The following CCDC181 variants were observed in gnomAD, a reference collection of about 807,000 sequenced individuals.
CCDC181 encodes coiled-coil domain-containing protein 181.
Under a neutral mutation model 58.7 loss-of-function variants are expected in CCDC181, and 35 were observed. The ratio of observed to expected loss-of-function variants is 0.60; its 90% confidence interval spans 0.46 to 0.79. The LOEUF (loss-of-function observed/expected upper bound fraction) is 0.79. Among genes scored for constraint, CCDC181 ranks in the 30% least tolerant of loss-of-function variants. The probability of loss-of-function intolerance (pLI) is 0.00; values close to 1 mark genes in which losing one functional copy is unlikely to be tolerated. For missense variants in CCDC181, 517 were observed against 583.9 expected (o/e 0.89, Z 1.18); for synonymous variants, 183 against 197.5 (o/e 0.93, Z 0.62).
chr1:169,409,472 T>G (rs1232648016), intron 4 of CCDC181, among the ~76,000 whole-genome samples: 1 of 152,166 alleles, frequency 6.6e-6, no homozygotes, highest in African/African-American at 2.4e-5. Context: ...CTCTTCAGGA[T>G]ATTACCCAGG....
chr1:169,458,181 T>TG (rs1371353902), intron 2 of CCDC181, among the ~76,000 whole-genome samples: 4 of 141,138 alleles, frequency 2.8e-5, no homozygotes, highest in Middle Eastern at 3.3e-3. Context: ...TTTTGTTTTT[T>TG]TTTTTTTGTT....
In CCDC181 at chr1:169,395,879, T is replaced by G. The variant is rs1424208473; in HGVS notation, c.1371-673A>C. The stretch of plus-strand genomic sequence containing the variant: ...CACATACATACACCTGGTTTTGTTG[T>G]TTTTTTTTTTTCAGAATAAACAACT... On this transcript the variant is annotated intron_variant, in intron 5 of 5. Transcript: ENST00000367806. 5 of 50,988 alleles carry G rather than the reference T, an allele frequency of 9.8e-5. No homozygotes were observed. Among genetic ancestry groups the G allele is most frequent in the Non-Finnish European group, 1.2e-4 (2 of 16,578 alleles). The allele number at this position is 50,988 out of a possible 1,614,324, so 3.2% of individuals were successfully genotyped here.
chr1:169,443,219 G>GTTTTTAGAAGGAAAA (rs1657283601), intron 2 of CCDC181: 1 of 151,590 alleles, frequency 6.6e-6, no homozygotes, highest in South Asian at 2.1e-4. Flanking sequence ...TAAAACAAGT[G>GTTTTTAGAAGGAAAA]CTCTAAGGAA....
At position 169,451,636 on chromosome 1, in the gene CCDC181, C is replaced by G. The variant is rs115310019; in HGVS notation, c.-24+8161G>C. 9.2e-3 allele frequency among the ~76,000 whole-genome samples: 1,396 copies of G among 152,020 alleles called. 18 individuals are homozygous for G. Among genetic ancestry groups the G allele is most frequent in the African/African-American group, 0.032 (1,307 of 41,462 alleles). ...ACAAATAGTTCTGTTTCAGACTCTA[C>G]CCCTTTCCCTGGTTCCAGGCTAAAC... On this transcript the variant is annotated intron_variant, in intron 2 of 6. Transcript: ENST00000545005.
intron 4 of CCDC181, among the ~76,000 whole-genome samples, chr1:169,404,178 C>A (rs1321488719): frequency 2.0e-5 from 3 of 152,092 alleles, no homozygotes; most frequent in Admixed American, 1.3e-4. Flanking sequence ...TAATAGCCTA[C>A]CAACCAAAAA....
upstream of CCDC181, chr1:169,427,586 A>G (rs866800217): frequency 2.0e-5 from 3 of 152,234 alleles, no homozygotes; most frequent in South Asian, 2.1e-4. Flanking sequence ...GGGGACGACT[A>G]AGGAATCCAC....
At position 169,421,391 on chromosome 1, in the gene CCDC181, T is replaced by C. The variant is rs2102090240; in HGVS notation, c.1040A>G (p.Glu347Gly). 1 of 1,611,052 alleles carries C rather than the reference T, an allele frequency of 6.2e-7. No individual in the cohort carries two copies. Among genetic ancestry groups the C allele is most frequent in the East Asian group, 2.2e-5 (1 of 44,878 alleles). ...TCTTTTCAGTTTTTCTCTCTTTTCT[T>C]CTAGTTGTTTTTGTAGTTCTTTCTG... Reference protein sequence around the residue: ...PRQKELQKQLEEKREKLKREE... With the variant: ...PRQKELQKQLGEKREKLKREE... The change falls in exon 3 of 6, where the codon GAA (glutamate) becomes GGA (glycine). Residue 347 changes from glutamate to glycine, a missense_variant. Transcript: ENST00000367806.
intron 4 of CCDC181, among the ~76,000 whole-genome samples, chr1:169,403,028 C>G (rs201474300): frequency 5.9e-5 from 1 of 16,808 alleles, no homozygotes; most frequent in Non-Finnish European, 1.3e-4. Context: ...TCTGAAAAAA[C>G]CAGACTTTAA....
intron 4 of CCDC181, among the ~76,000 whole-genome samples, chr1:169,415,881 C>T (rs1279650945): frequency 6.6e-6 from 1 of 152,206 alleles, no homozygotes; most frequent in Non-Finnish European, 1.5e-5. Flanking sequence ...ACACAAACTA[C>T]TCCACCTCTG....
intron 1 of CCDC181, chr1:169,460,010 A>G (rs1657801704): frequency 6.6e-6 from 1 of 151,724 alleles, no homozygotes; most frequent in Non-Finnish European, 1.5e-5. Context: ...ATATTTAAAT[A>G]TTAAATAGTT....
intron 4 of CCDC181, among the ~76,000 whole-genome samples, chr1:169,408,877 C>T (rs1451774794): frequency 3.3e-5 from 5 of 152,154 alleles, no homozygotes; most frequent in Non-Finnish European, 7.4e-5. Flanking sequence ...AAAACCCCAT[C>T]CAAAGGTCAC....
rs1280559142 is a variant in CCDC181 at position 169,422,332 on chromosome 1, T to G, written c.118-19A>C. ...AAGCCATCTAAAAACAAGATATTTT[T>G]CAGTCAAAATTGAGATTCTTCATTT... On this transcript the variant is annotated intron_variant, in intron 2 of 5. Transcript: ENST00000367806. 2 of 1,489,846 alleles carry G rather than the reference T, an allele frequency of 1.3e-6. No homozygotes were observed. Among genetic ancestry groups the G allele is most frequent in the Admixed American group, 4.2e-5 (2 of 47,506 alleles). 92.3% of individuals were successfully genotyped at this position (1,489,846 alleles called of 1,614,324 possible). A position where few individuals can be genotyped will look rare whatever the true frequency, so the allele number is the denominator to read the frequency against.
chr1:169,412,704 C>T (rs951468957), intron 4 of CCDC181, among the ~76,000 whole-genome samples: 2 of 152,114 alleles, frequency 1.3e-5, no homozygotes, highest in African/African-American at 2.4e-5. Flanking sequence ...GAACAGAGGA[C>T]TCAGAAATAA....
intron 2 of CCDC181, among the ~76,000 whole-genome samples, chr1:169,445,240 GT>G (rs1657341466): frequency 6.6e-6 from 1 of 152,074 alleles, no homozygotes; most frequent in Non-Finnish European, 1.5e-5. Context: ...AAAATGCCCA[GT>G]TTCTCATCAT....
chr1:169,401,439 C>G (rs1655341941), intron 4 of CCDC181, among the ~76,000 whole-genome samples: 1 of 152,198 alleles, frequency 6.6e-6, no homozygotes, highest in African/African-American at 2.4e-5. Flanking sequence ...GGGTGCCCCT[C>G]TGAGACGAAG....
At chr1:169,430,896 A>C (rs1244047386), upstream of CCDC181, among the ~76,000 whole-genome samples, 1 of 152,084 alleles carries the variant, frequency 6.6e-6, no homozygotes, top group African/African-American at 2.4e-5. Flanking sequence ...AATCAGTCTG[A>C]TTGGTTGTGG....
chr1:169,400,864 G>A (rs1190522838), intron 4 of CCDC181, among the ~76,000 whole-genome samples: 1 of 152,172 alleles, frequency 6.6e-6, no homozygotes, highest in Non-Finnish European at 1.5e-5. Context: ...GCCTCACCCA[G>A]GAAGCACAAG....
chr1:169,449,106 A>G (rs1485709237), intron 2 of CCDC181, among the ~76,000 whole-genome samples: 52 of 152,152 alleles, frequency 3.4e-4, no homozygotes. Flanking sequence ...ATTAACCATA[A>G]CTTCCTGGTT....
chr1:169,423,596 T>C (rs1420022130), intron 2 of CCDC181, among the ~76,000 whole-genome samples: 1 of 152,056 alleles, frequency 6.6e-6, no homozygotes, highest in African/African-American at 2.4e-5. Context: ...TTTTATTTTA[T>C]TCCTGCTATA....
Sources: gnomAD v4.1 joint callset for allele counts (sites outside exome capture counted in the v4.1 genomes callset) on GRCh38, gnomAD v4.1.1 for gene constraint, MANE v1.5 for transcripts, NCBI Gene and HGNC (gene_info 2026-07-23, HGNC 2026-07-21) for gene names.